The following KLRG1 variants were observed in gnomAD, a reference collection of about 807,000 sequenced individuals.
The protein encoded by KLRG1 is killer cell lectin-like receptor subfamily G member 1.
Under a neutral mutation model 21.8 loss-of-function variants are expected in KLRG1, and 16 were observed. The observed-to-expected ratio is 0.73, with a 90% CI of 0.50 to 1.11. KLRG1 has a LOEUF of 1.11. Ranked by LOEUF, KLRG1 falls within the 50% of genes most tolerant of loss-of-function variation. The probability of loss-of-function intolerance (pLI) is 0.00; values close to 1 mark genes in which losing one functional copy is unlikely to be tolerated. For synonymous variants in KLRG1, 69 were observed against 75.9 expected, an observed-to-expected ratio of 0.91 and a Z score of 0.47; for missense variants, 173 against 218.3, an observed-to-expected ratio of 0.79 and a Z score of 1.31.
At chr12:9,163,630 A>T in the KLRG1 span, 1 of 1,607,070 alleles carries the variant, frequency 6.2e-7, no homozygotes, top group Admixed American at 1.7e-5. Flanking sequence ...CCGGTGTTGC[A>T]TTCTTACAGT....
At chr12:9,059,311 C>A in the KLRG1 span, among the ~76,000 whole-genome samples, 4 of 152,074 alleles carry the variant, frequency 2.6e-5, no homozygotes, top group Non-Finnish European at 4.4e-5. Flanking sequence ...GTTTTGGTTA[C>A]CCATGTGTAA....
the KLRG1 span, chr12:9,192,194 G>A: frequency 1.2e-6 from 2 of 1,612,414 alleles, no homozygotes; most frequent in South Asian, 1.1e-5. Flanking sequence ...GATACTCACT[G>A]TCTCCTGACT....
At chr12:9,100,213 A>C in the KLRG1 span, among the ~76,000 whole-genome samples, 1 of 152,310 alleles carries the variant, frequency 6.6e-6, no homozygotes, top group East Asian at 1.9e-4. Flanking sequence ...TGAAAGGGAA[A>C]AAAGATATTT....
chr12:9,017,564 T>A, the KLRG1 span, among the ~76,000 whole-genome samples: 1 of 152,084 alleles, frequency 6.6e-6, no homozygotes. Context: ...AAATTCAACA[T>A]CCTTTCATGA....
intron 4 of KLRG1, 125 bp from the exon 5 acceptor site, chr12:9,009,301 C>A: frequency 8.7e-7 from 1 of 1,143,968 alleles, no homozygotes. Flanking sequence ...AATTCTTCTG[C>A]TGTTTGGGGG....
At chr12:9,084,295 C>CT in the KLRG1 span, among the ~76,000 whole-genome samples, 7 of 152,216 alleles carry the variant, frequency 4.6e-5, no homozygotes, top group East Asian at 1.4e-3. Flanking sequence ...TCAAAATACT[C>CT]TATGACTGTA....
chr12:9,192,366 A>G, the KLRG1 span: 349,426 of 1,295,164 alleles, frequency 0.27, 49,935 homozygotes, highest in Admixed American at 0.41. Flanking sequence ...GAGAGAATCA[A>G]CCTCAAGAAA....
chr12:9,153,280 T>C, the KLRG1 span: 1 of 1,614,176 alleles, frequency 6.2e-7, no homozygotes, highest in South Asian at 1.1e-5. Flanking sequence ...TGTGCAGTTT[T>C]CTCAGTTCTG....
the KLRG1 span, among the ~76,000 whole-genome samples, chr12:9,017,465 C>T: frequency 6.5e-3 from 982 of 152,112 alleles, 15 homozygotes; most frequent in African/African-American, 0.022. Context: ...TCAACATGCA[C>T]ATATCAATCA....
chr12:9,154,916 C>T, the KLRG1 span: 1 of 1,356,336 alleles, frequency 7.4e-7, no homozygotes, highest in Non-Finnish European at 1.0e-6. Context: ...AATGCACATT[C>T]ATAATACATG....
At chr12:9,171,690 T>C in the KLRG1 span, among the ~76,000 whole-genome samples, 1 of 152,000 alleles carries the variant, frequency 6.6e-6, no homozygotes, top group Admixed American at 6.5e-5. Context: ...AACTTCACAA[T>C]GCAATCACAA....
At chr12:9,048,807 GTCA>G in the KLRG1 span, among the ~76,000 whole-genome samples, 1 of 152,102 alleles carries the variant, frequency 6.6e-6, no homozygotes, top group African/African-American at 2.4e-5. Context: ...ACTACTCCTA[GTCA>G]TCATTGTCCT....
intron 1 of KLRG1, among the ~76,000 whole-genome samples, chr12:8,967,838 C>T (rs1307935914): frequency 6.6e-6 from 1 of 151,916 alleles, no homozygotes; most frequent in Non-Finnish European, 1.5e-5. Context: ...TTGTAAAGTT[C>T]ACTTCATATA....
At chr12:9,110,294 G>C in the KLRG1 span, 1 of 1,461,782 alleles carries the variant, frequency 6.8e-7, no homozygotes, top group Non-Finnish European at 9.3e-7. Context: ...TTTTAATATG[G>C]AATGTTTCAT....
the KLRG1 span, among the ~76,000 whole-genome samples, chr12:9,205,635 T>C: frequency 3.0e-4 from 46 of 152,346 alleles, no homozygotes; most frequent in Admixed American, 1.5e-3. Flanking sequence ...CAGTGATTCA[T>C]GATTCAATAT....
At chr12:9,000,305 C>T (rs1049266052) in intron 3 of KLRG1, among the ~76,000 whole-genome samples, 2 of 152,124 alleles carry the variant, frequency 1.3e-5, no homozygotes, top group Non-Finnish European at 2.9e-5. Context: ...TTTTGTCACG[C>T]TTCTTTATAA....
the KLRG1 span, among the ~76,000 whole-genome samples, chr12:9,069,501 G>C: frequency 0.39 from 59,248 of 151,992 alleles, 12,541 homozygotes; most frequent in African/African-American, 0.54. Context: ...CACATTTTGT[G>C]AAGATTTCTT....
rs1946996704 is a variant in KLRG1, at chr12:8,992,318, C to T, written c.187+8C>T. 1.3e-6 allele frequency: 2 copies of T among 1,553,946 alleles called. No homozygotes were observed. The highest frequency in any genetic ancestry group is 1.4e-5 in the African/African-American group (1 of 72,694). On this transcript the variant is annotated splice_region_variant and intron_variant, in intron 2 of 4. Transcript: ENST00000356986. ...AGTGGATCCTGTGCCAGGGTAAGTG[C>T]AAACTTAAACCAAAATTAATCTTTC... is the stretch of plus-strand genomic sequence containing the variant.
At chr12:8,952,868 G>A (rs928223397) in intron 1 of KLRG1, among the ~76,000 whole-genome samples, 2 of 152,212 alleles carry the variant, frequency 1.3e-5, no homozygotes, top group Admixed American at 1.3e-4. Context: ...AATCACAGGA[G>A]CCAAGCCAGA....
Sources: gnomAD v4.1 joint callset for allele counts (sites outside exome capture counted in the v4.1 genomes callset) on GRCh38, gnomAD v4.1.1 for gene constraint, MANE v1.5 for transcripts, NCBI Gene and HGNC (gene_info 2026-07-23, HGNC 2026-07-21) for gene names.